The following PCDH15 variants were observed in gnomAD, a reference collection of about 807,000 sequenced individuals.
PCDH15 encodes the protein protocadherin related 15.
In PCDH15, 129 loss-of-function variants were observed where a neutral mutation model predicts 178.5. The observed-to-expected ratio is 0.72, with a 90% CI of 0.63 to 0.84. The LOEUF (loss-of-function observed/expected upper bound fraction) is 0.84. Among genes scored for constraint, PCDH15 ranks in the 40% least tolerant of loss-of-function variants. The pLI, the probability that PCDH15 is intolerant of heterozygous loss-of-function variation, is 0.00. For synonymous variants in PCDH15, 800 were observed against 732.0 expected (o/e 1.09, Z -1.50); for missense variants, 2,230 against 2,099.9 (o/e 1.06, Z -1.21).
In PCDH15 at chr10:53,953,340, G is replaced by A. The variant is rs376359505; in HGVS notation, c.3122+6392C>T. 4.5e-4 allele frequency among the ~76,000 whole-genome samples: 69 copies of A among 152,316 alleles called. 1 individual carries two copies. The South Asian group carries it at 0.012, about 27-fold the overall frequency. ...CACCTAAGTGACTCCATAAAAGATT[G>A]ATGTGAAAAGGTCAAGAAATTAACA... On this transcript the variant is annotated intron_variant, in intron 23 of 37. Transcript: ENST00000644397.
At chr10:54,451,858 G>A (rs1472974499) in intron 3 of PCDH15, among the ~76,000 whole-genome samples, 1 of 151,838 alleles carries the variant, frequency 6.6e-6, no homozygotes, top group Admixed American at 6.6e-5. Flanking sequence ...TAAGTACAGA[G>A]CAAGTTTAAT....
At chr10:54,233,521 T>C (rs577625860) in intron 9 of PCDH15, among the ~76,000 whole-genome samples, 3 of 152,346 alleles carry the variant, frequency 2.0e-5, no homozygotes, top group African/African-American at 7.2e-5. Flanking sequence ...TCATCTTCAA[T>C]TTAACGATAT....
At chr10:54,858,093 C>A (rs977813799) in intron 3 of PCDH15, among the ~76,000 whole-genome samples, 1 of 152,150 alleles carries the variant, frequency 6.6e-6, no homozygotes, top group African/African-American at 2.4e-5. Context: ...CTCCCATAAG[C>A]ACAATTCTAC....
intron 1 of PCDH15, among the ~76,000 whole-genome samples, chr10:54,673,312 G>C (rs756082175): frequency 6.6e-5 from 10 of 152,062 alleles, no homozygotes; most frequent in Non-Finnish European, 1.2e-4. Flanking sequence ...TTACGAGTGA[G>C]AATATGCGGT....
At chr10:54,608,170 G>A (rs182336492) in intron 2 of PCDH15, among the ~76,000 whole-genome samples, 303 of 151,796 alleles carry the variant, frequency 2.0e-3, no homozygotes, top group Non-Finnish European at 3.3e-3. Flanking sequence ...CAAACACTTC[G>A]CTCAATAAAA....
At chr10:53,847,359 G>A (rs944266098) in intron 28 of PCDH15, among the ~76,000 whole-genome samples, 13 of 151,956 alleles carry the variant, frequency 8.6e-5, no homozygotes, top group Non-Finnish European at 1.5e-4. Context: ...CACAAGCTTA[G>A]CTAAATTAAT....
intron 10 of PCDH15, among the ~76,000 whole-genome samples, chr10:54,201,914 T>C (rs2050272337): frequency 6.6e-6 from 1 of 152,244 alleles, no homozygotes; most frequent in African/African-American, 2.4e-5. Flanking sequence ...GCCAGTCTTA[T>C]GAATGGGCCT....
At chr10:55,353,123 T>C (rs915129182) in intron 2 of PCDH15, among the ~76,000 whole-genome samples, 1 of 152,148 alleles carries the variant, frequency 6.6e-6, no homozygotes, top group Non-Finnish European at 1.5e-5. Context: ...GACTACCACT[T>C]CTTCAAGCAT....
chr10:55,573,275 C>T lies in PCDH15; in HGVS notation c.-156+54350G>A, dbSNP rs544609280. Among the ~76,000 whole-genome samples the T allele has an allele frequency of 6.2e-4, 95 of 152,164 alleles. 1 individual carries two copies. The South Asian group carries it at 0.019, about 30-fold the overall frequency. On this transcript the variant is annotated intron_variant, in intron 2 of 5. Coordinates refer to the PCDH15 transcript ENST00000613346. ...GATGTGAGGAATGTTCAACTGCCAA[C>T]TGGCAGTATAGCTGTACTTGAAAGA...
chr10:54,368,027 A>T (rs1731041110), intron 5 of PCDH15, among the ~76,000 whole-genome samples: 1 of 151,994 alleles, frequency 6.6e-6, no homozygotes, highest in Admixed American at 6.6e-5. Flanking sequence ...TCATTACAGT[A>T]GAAACTCATT....
chr10:53,992,827 C>T (rs1226919146), intron 21 of PCDH15, among the ~76,000 whole-genome samples: 1 of 152,184 alleles, frequency 6.6e-6, no homozygotes, highest in Non-Finnish European at 1.5e-5. Context: ...ATCCTCTCAG[C>T]TTCAATTTAG....
rs2077577028 is a variant in PCDH15 at position 53,840,496 on chromosome 10, C to T, written c.3807G>A (p.Glu1269=). 1.2e-6 allele frequency: 2 copies of T among 1,613,332 alleles called. No individual in the cohort carries two copies. The highest frequency in any genetic ancestry group is 1.1e-5 in the South Asian group (1 of 91,066). Residue 1269 remains glutamate, a splice_region_variant and synonymous_variant, in exon 29 of 38, where the codon GAG becomes GAA. Coordinates refer to ENST00000644397, the MANE Select transcript of PCDH15 (RefSeq NM_001384140.1). ...LVEKKIEDLT[E]ILDRYVQEQI... is the part of the protein sequence containing the mutation. ...GTTCCTGAACATAGCGATCCAAGAT[C>T]CTATAAATCAAACAAAGTACAAACA...
intron 15 of PCDH15, among the ~76,000 whole-genome samples, chr10:54,105,821 C>T (rs539796064): frequency 1.3e-5 from 2 of 152,194 alleles, no homozygotes; most frequent in East Asian, 3.9e-4. Context: ...CTTATGTTCA[C>T]ACACAAAAAT....
chr10:54,953,557 G>A (rs1026556146), intron 2 of PCDH15, among the ~76,000 whole-genome samples: 13 of 151,154 alleles, frequency 8.6e-5, no homozygotes, highest in South Asian at 2.1e-4. Context: ...TGGGCTCTCC[G>A]GTTAGCATTA....
intron 2 of PCDH15, among the ~76,000 whole-genome samples, chr10:55,339,774 A>C (rs1844498934): frequency 6.6e-6 from 1 of 152,230 alleles, no homozygotes; most frequent in East Asian, 1.9e-4. Context: ...TCTAATTTTA[A>C]ATAAAAATTT....
At chr10:55,131,156 GT>G (rs1053266829) in intron 2 of PCDH15, among the ~76,000 whole-genome samples, 4 of 152,108 alleles carry the variant, frequency 2.6e-5, no homozygotes, top group African/African-American at 9.7e-5. Context: ...ATACAGAATA[GT>G]TTCACTGCCC....
chr10:54,766,553 AAAG>A (rs937624836), intron 1 of PCDH15, among the ~76,000 whole-genome samples: 2 of 152,042 alleles, frequency 1.3e-5, no homozygotes, highest in African/African-American at 4.8e-5. Context: ...AGAAAAAAAA[AAAG>A]GAGTTCCTTT....
At chr10:54,444,537 T>C (rs1026299847) in intron 3 of PCDH15, among the ~76,000 whole-genome samples, 1 of 151,758 alleles carries the variant, frequency 6.6e-6, no homozygotes, top group Non-Finnish European at 1.5e-5. Context: ...CATCGCACTG[T>C]ACACATTTTT....
intron 2 of PCDH15, among the ~76,000 whole-genome samples, chr10:55,475,406 C>T (rs144343751): frequency 1.3e-5 from 2 of 152,186 alleles, no homozygotes; most frequent in East Asian, 3.9e-4. Flanking sequence ...AGATAAGATG[C>T]CCAATTATTA....
Sources: gnomAD v4.1 joint callset for allele counts (sites outside exome capture counted in the v4.1 genomes callset) on GRCh38, gnomAD v4.1.1 for gene constraint, MANE v1.5 for transcripts, NCBI Gene and HGNC (gene_info 2026-07-23, HGNC 2026-07-21) for gene names.